KDELR1: variants seen among roughly 807,000 people sequenced by gnomAD.
KDELR1 encodes KDEL endoplasmic reticulum protein retention receptor 1.
Under a neutral mutation model 25.5 loss-of-function variants are expected in KDELR1, and 16 were observed. The ratio of observed to expected loss-of-function variants is 0.63; its 90% CI spans 0.43 to 0.95. The LOEUF is 0.95. Ranked by LOEUF, KDELR1 falls within the 40% of genes least tolerant of loss-of-function variation. The pLI is 0.00. For synonymous variants in KDELR1, 121 were observed against 115.0 expected (o/e 1.05, Z -0.33); for missense variants, 159 against 265.2 (o/e 0.60, Z 2.78).
At position 48,389,708 on chromosome 19, in the gene KDELR1, C is replaced by A. The variant is rs1384599926; in HGVS notation, c.196G>T (p.Val66Phe). 1 of 1,613,798 alleles carries A rather than the reference C, an allele frequency of 6.2e-7. No homozygotes were observed. Among genetic ancestry groups the A allele is most frequent in the East Asian group, 2.2e-5 (1 of 44,904 alleles). Residue 66 changes from valine to phenylalanine, a missense_variant, in exon 3 of 5, where the codon GTC (valine) becomes TTC (phenylalanine). Coordinates refer to ENST00000330720, the MANE Select transcript of KDELR1 (RefSeq NM_006801.3). ...ISLYNTCMKV[V>F]YIACSFTTVW... ...GTGGTGAAGGAGCAGGCTATGTAGA[C>A]CACCTGAGGAGGGGGATGATGAGAA...
chr19:48,392,709 A>AC (rs1269928852), upstream of KDELR1, among the ~76,000 whole-genome samples: 1 of 152,108 alleles, frequency 6.6e-6, no homozygotes, highest in Non-Finnish European at 1.5e-5. Flanking sequence ...CAAAACTCTG[A>AC]CCCAAACTAC....
At chr19:48,383,622 C>T (rs143615806) in intron 4 of KDELR1, among the ~76,000 whole-genome samples, 39 of 152,306 alleles carry the variant, frequency 2.6e-4, no homozygotes, top group African/African-American at 9.1e-4. Context: ...TCTCCCACCT[C>T]AGCCTCCCAA....
In KDELR1 at chr19:48,389,539, A is replaced by G. The variant is rs765093716; in HGVS notation, c.351+14T>C. On this transcript the variant is annotated intron_variant, in intron 3 of 4. Coordinates refer to ENST00000330720, the MANE Select transcript of KDELR1 (RefSeq NM_006801.3). The stretch of plus-strand genomic sequence containing the variant: ...ACCATCCCCCCAAATAAGGAGTCAC[A>G]GCAAGGCGCCTACCTCCAGAGGGGT... 4 of 1,613,912 alleles carry G rather than the reference A, an allele frequency of 2.5e-6. No homozygotes were observed. The South Asian group carries it at 4.4e-5, about 18-fold the overall frequency.
chr19:48,386,384 T>C (rs1271545767), intron 3 of KDELR1, among the ~76,000 whole-genome samples: 1 of 151,794 alleles, frequency 6.6e-6, no homozygotes, highest in Non-Finnish European at 1.5e-5. Context: ...CCCAAAGTGC[T>C]GGGATCACAG....
upstream of KDELR1, among the ~76,000 whole-genome samples, chr19:48,391,982 A>T (rs532673053): frequency 1.0e-3 from 155 of 151,786 alleles, no homozygotes; most frequent in Non-Finnish European, 8.3e-4. Flanking sequence ...CGTCAAACCC[A>T]GAAGTCTGGG....
At chr19:48,388,931 G>GGAAAGAAA (rs55641071) in intron 3 of KDELR1, among the ~76,000 whole-genome samples, 10 of 146,324 alleles carry the variant, frequency 6.8e-5, no homozygotes, top group South Asian at 2.2e-4. Context: ...AAAGAAAGAA[G>GGAAAGAAA]GAAAGAAAGA....
chr19:48,396,407 G>A (rs960120210), upstream of KDELR1, among the ~76,000 whole-genome samples: 4 of 152,072 alleles, frequency 2.6e-5, no homozygotes, highest in Admixed American at 6.5e-5. Flanking sequence ...AGTGGGACGC[G>A]GGGTCCCTAA....
At position 48,389,606 on chromosome 19, in the gene KDELR1, C is replaced by T. The variant is rs780757543; in HGVS notation, c.298G>A (p.Val100Ile). 44 of 1,613,984 alleles carry T rather than the reference C, an allele frequency of 2.7e-5. No individual in the cohort carries two copies. Among genetic ancestry groups the T allele is most frequent in the African/African-American group, 2.3e-4 (17 of 74,914 alleles). Residue 100 changes from valine to isoleucine, a missense_variant, in exon 3 of 5, where the codon GTT becomes ATT. Val to Ile is a conservative substitution (Grantham distance 29). Transcript: ENST00000330720. ...HDTFRVEFLV[V>I]PTAILAFLVN... Reference sequence around the variant, plus strand: ...AGGAACGCCAGAATGGCTGTGGGAACGACCAGGAACTCCACTCTGAACGTG... The same window carrying T: ...AGGAACGCCAGAATGGCTGTGGGAATGACCAGGAACTCCACTCTGAACGTG...
chr19:48,388,927 A>G (rs62132012), intron 3 of KDELR1, among the ~76,000 whole-genome samples: 1,189 of 17,240 alleles, frequency 0.069, 14 homozygotes, highest in Middle Eastern at 0.35. Flanking sequence ...AAAGAAAGAA[A>G]GAAGGAAAGA....
At position 48,384,115 on chromosome 19, in the gene KDELR1, C is replaced by A. The variant is rs1043433910; in HGVS notation, c.604+115G>T. Reference sequence around the variant, plus strand: ...TAGGCCTGCCACCCCAGAAACCCGGCGAAGAAATGCTCCCTTCTTTGCATA... The same window carrying A: ...TAGGCCTGCCACCCCAGAAACCCGGAGAAGAAATGCTCCCTTCTTTGCATA... On this transcript the variant is annotated intron_variant, in intron 4 of 4. Coordinates refer to ENST00000330720, the MANE Select transcript of KDELR1 (RefSeq NM_006801.3). The surrounding 1 kb of genome is among the most constrained non-coding windows in gnomAD (Gnocchi z 4.6). 7 of 1,348,218 alleles carry A rather than the reference C, an allele frequency of 5.2e-6. No individual in the cohort carries two copies. Among genetic ancestry groups the A allele is most frequent in the Non-Finnish European group, 6.1e-6 (6 of 983,616 alleles). The allele number at this position is 1,348,218 out of a possible 1,614,324, so 83.5% of individuals were successfully genotyped here.
chr19:48,384,523 G>A lies in KDELR1; in HGVS notation c.352-41C>T. ...GGACATGATGAGGTGGGAGGGGACA[G>A]GGCGGGAGAAAAGGCAGAGGACAAC... On this transcript the variant is annotated intron_variant, in intron 3 of 4. Transcript: ENST00000330720. The surrounding 1 kb of genome is among the most constrained non-coding windows in gnomAD (Gnocchi z 4.6). 3.1e-6 allele frequency: 5 copies of A among 1,592,370 alleles called. No homozygotes were observed. The highest frequency in any genetic ancestry group is 4.3e-6 in the Non-Finnish European group (5 of 1,167,282).
Position 48,391,341 on chromosome 19 carries a change from G to A in KDELR1, c.18C>T (p.Phe6=), listed in dbSNP as rs1464564246. The A allele has an allele frequency of 6.4e-7, 1 of 1,555,894 alleles. No individual in the cohort carries two copies. The highest frequency in any genetic ancestry group is 1.9e-5 in the Admixed American group (1 of 51,444). Residue 6 remains phenylalanine (F), a synonymous_variant, in exon 1 of 5, where the codon TTC becomes TTT. Transcript: ENST00000330720. Reference sequence around the variant, plus strand: ...CGAGGAGGTGGGAGAGGTCTCCCAGGAATCGGAAGAGATTCATGGCTGGGG... The same window carrying A: ...CGAGGAGGTGGGAGAGGTCTCCCAGAAATCGGAAGAGATTCATGGCTGGGG... MNLFR[F]LGDLSHLLAI...
chr19:48,396,904 C>A, the KDELR1 span, among the ~76,000 whole-genome samples: 1 of 152,106 alleles, frequency 6.6e-6, no homozygotes, highest in Non-Finnish European at 1.5e-5. Context: ...AGTGCGGACT[C>A]CAGTCCTTCT....
upstream of KDELR1, among the ~76,000 whole-genome samples, chr19:48,393,676 TGAG>T (rs1970591352): frequency 2.0e-5 from 3 of 149,184 alleles, no homozygotes; most frequent in Admixed American, 2.0e-4. The surrounding 1 kb of genome is among the most constrained non-coding windows in gnomAD (Gnocchi z 5.6). Flanking sequence ...GCATCCCGAG[TGAG>T]TGTGTGTGTG....
In KDELR1 at chr19:48,391,271, C is replaced by A. The variant is rs1436671675; in HGVS notation, c.88G>T (p.Ala30Ser). The A allele has an allele frequency of 1.3e-6, 2 of 1,554,182 alleles. No individual in the cohort carries two copies. Among genetic ancestry groups the A allele is most frequent in the East Asian group, 2.4e-5 (1 of 41,188 alleles). Reference protein sequence around the residue: ...LLKIWKSRSCAGISGKSQVLF... With the variant: ...LLKIWKSRSCSGISGKSQVLF... ...CCAGCCCTGGTGGGCCTCTCACCGGCGCACGAGCGGGACTTCCAGATTTTG... is the reference window on the plus strand; with the variant it reads ...CCAGCCCTGGTGGGCCTCTCACCGGAGCACGAGCGGGACTTCCAGATTTTG... Residue 30 changes from alanine (A) to serine (S), a missense_variant, in exon 1 of 5, where the codon GCC becomes TCC. Coordinates refer to ENST00000330720, the MANE Select transcript of KDELR1 (RefSeq NM_006801.3).
chr19:48,390,353 C>G, intron 2 of KDELR1, 71 bp downstream of exon 2: 1 of 1,156,470 alleles, frequency 8.6e-7, no homozygotes, highest in African/African-American at 1.5e-5. Context: ...TCCCTCAGAC[C>G]TAGGAGTCTG....
chr19:48,384,681 A>G lies in KDELR1; in HGVS notation c.352-199T>C, dbSNP rs1442024219. ...CACCATGGCCCGGCGAGGAGATCCT[A>G]TGATTAGCACACTTATTCTACAGAT... On this transcript the variant is annotated intron_variant, in intron 3 of 4. Coordinates refer to ENST00000330720, the MANE Select transcript of KDELR1 (RefSeq NM_006801.3). The surrounding 1 kb of genome is among the most constrained non-coding windows in gnomAD (Gnocchi z 4.6). Among the ~76,000 whole-genome samples, 1 of 152,136 alleles carries G rather than the reference A, an allele frequency of 6.6e-6. No individual in the cohort carries two copies. Among genetic ancestry groups the G allele is most frequent in the African/African-American group, 2.4e-5 (1 of 41,422 alleles).
chr19:48,391,393 A>G lies in KDELR1; in HGVS notation c.-35T>C. The G allele has an allele frequency of 1.3e-6, 2 of 1,525,078 alleles. No individual in the cohort carries two copies. The highest frequency in any genetic ancestry group is 1.8e-6 in the Non-Finnish European group (2 of 1,123,796). 94.5% of individuals were successfully genotyped at this position (1,525,078 alleles called of 1,614,324 possible). ...ACCCTGGCAGGGCTGAGCGGGAGGG[A>G]GGCAGGCTGGCGGGGGGGTGCCCCC... On this transcript the variant is annotated 5_prime_UTR_variant, in exon 1 of 5. Transcript: ENST00000330720.
At chr19:48,390,111 C>A (rs1970532326) in intron 2 of KDELR1, 1 of 376,760 alleles carries the variant, frequency 2.7e-6, no homozygotes, top group Non-Finnish European at 4.8e-6. Context: ...AGTCCAGGCC[C>A]AGCCCCTCCT....
Sources: allele counts gnomAD v4.1 joint callset (sites outside exome capture counted in the v4.1 genomes callset), GRCh38; gene constraint gnomAD v4.1.1; non-coding constraint Gnocchi (gnomAD v3.1); transcripts MANE v1.5; gene names NCBI Gene and HGNC (gene_info 2026-07-23, HGNC 2026-07-21).